ERV3-1: variants seen among roughly 807,000 people sequenced by gnomAD.
The protein encoded by ERV3-1 is endogenous retrovirus group 3 member 1, envelope.
In ERV3-1, 36 loss-of-function variants were observed where a neutral mutation model predicts 24.6. The ratio of observed to expected loss-of-function variants is 1.47; its 90% CI spans 1.12 to 1.94. The LOEUF is 1.94. Among genes scored for constraint, ERV3-1 ranks in the 30% most tolerant of loss-of-function variants. ERV3-1 has a pLI of 0.00. For synonymous variants in ERV3-1, 211 were observed against 122.6 expected, an observed-to-expected ratio of 1.72 and a Z score of -4.76; for missense variants, 578 against 330.9, an observed-to-expected ratio of 1.75 and a Z score of -5.79.
chr7:65,005,238 A>G (rs967168944), intron 1 of ERV3-1: 8 of 152,510 alleles, frequency 5.2e-5, no homozygotes, highest in African/African-American at 1.9e-4. Flanking sequence ...CACAGTGGAT[A>G]TCTTGATTTA....
chr7:64,992,033 T>C lies in ERV3-1; in HGVS notation c.994A>G (p.Ser332Gly), dbSNP rs1478809735. Residue 332 changes from serine to glycine, a missense_variant, in exon 2 of 2, where the codon AGC (serine) becomes GGC (glycine). Physicochemically the swap from Ser to Gly is moderately conservative, Grantham distance 56. Transcript: ENST00000394323. ...SSLEPAPSSQ[S>G]IWFLKTSIIG... Reference sequence around the variant, plus strand: ...ATGGAGGTTTTTAAGAACCAGATGCTCTGACTTGATGGTGCAGGTTCGAGG... The same window carrying C: ...ATGGAGGTTTTTAAGAACCAGATGCCCTGACTTGATGGTGCAGGTTCGAGG... 1 of 766,334 alleles carries C rather than the reference T, an allele frequency of 1.3e-6. No individual in the cohort carries two copies. The highest frequency in any genetic ancestry group is 1.7e-5 in the African/African-American group (1 of 59,130). 47.5% of individuals were successfully genotyped at this position (766,334 alleles called of 1,614,324 possible).
At position 64,991,522 on chromosome 7, in the gene ERV3-1, A is replaced by G. The variant is rs1786265762; in HGVS notation, c.1505T>C (p.Met502Thr). The G allele has an allele frequency of 2.8e-6, 2 of 704,038 alleles. No homozygotes were observed. Among genetic ancestry groups the G allele is most frequent in the Non-Finnish European group, 5.2e-6 (2 of 385,018 alleles). The allele number at this position is 704,038 out of a possible 1,614,324, so 43.6% of individuals were successfully genotyped here. The change falls in exon 2 of 2, where the codon ATG becomes ACG. Residue 502 changes from methionine to threonine, a missense_variant. Transcript: ENST00000394323. ...YGPATWAEDG[M>T]WGYRTPVYML... is the part of the protein sequence containing the mutation. ...GTAAACTGGGGTGCGGTATCCCCAC[A>G]TTCCATCTTCTGCCCAGGTGGCTGG...
At chr7:64,998,673 G>A (rs1473237554) in intron 1 of ERV3-1, among the ~76,000 whole-genome samples, 2 of 152,144 alleles carry the variant, frequency 1.3e-5, no homozygotes, top group Non-Finnish European at 2.9e-5. Context: ...CCTTGCAGGA[G>A]TATTTCAGAC....
In ERV3-1 at chr7:64,992,510, T is replaced by G; in HGVS notation, c.517A>C (p.Thr173Pro). The G allele has an allele frequency of 1.3e-6, 1 of 766,394 alleles. No homozygotes were observed. Among genetic ancestry groups the G allele is most frequent in the Non-Finnish European group, 2.4e-6 (1 of 417,906 alleles). The allele number at this position is 766,394 out of a possible 1,614,324, so 47.5% of individuals were successfully genotyped here. A position where few individuals can be genotyped will look rare whatever the true frequency, so the allele number is the denominator to read the frequency against. Reference protein sequence around the residue: ...TTCWDCTTWSTNQQSLGPIML... With the variant: ...TTCWDCTTWSPNQQSLGPIML... ...ATTGGCCCTAGTGATTGTTGGTTAG[T>G]GGACCACGTTGTGCAGTCCCAGCAA... The change falls in exon 2 of 2, where the codon ACT becomes CCT. Residue 173 changes from threonine to proline, a missense_variant. By Grantham distance (38) the Thr-to-Pro change is conservative. Transcript: ENST00000394323.
At position 64,992,596 on chromosome 7, in the gene ERV3-1, C is replaced by CTA; in HGVS notation, c.429_430dup (p.Ser144IlefsTer20). On this transcript the variant is annotated frameshift_variant, in exon 2 of 2. Coordinates refer to ENST00000394323, the MANE Select transcript of ERV3-1 (RefSeq NM_001007253.4). LOFTEE classifies it high-confidence loss of function. ...TGCATACCTATTTTTATGGCAGCTA[C>CTA]TATAGTACTCCATGGAACTGAAGAT... 1.3e-6 allele frequency: 1 copy of CTA among 766,362 alleles called. No individual in the cohort carries two copies. The highest frequency in any genetic ancestry group is 2.4e-6 in the Non-Finnish European group (1 of 417,904). The allele number at this position is 766,362 out of a possible 1,614,324, so 47.5% of individuals were successfully genotyped here. A position where few individuals can be genotyped will look rare whatever the true frequency, so the allele number is the denominator to read the frequency against.
At chr7:64,996,771 TG>T (rs1254254721) in intron 1 of ERV3-1, among the ~76,000 whole-genome samples, 1 of 152,202 alleles carries the variant, frequency 6.6e-6, no homozygotes, top group Non-Finnish European at 1.5e-5. Context: ...GTATGATCTT[TG>T]GATGATGGCC....
In ERV3-1 at chr7:64,991,208, G is replaced by T; in HGVS notation, c.*4C>A. 1.3e-6 allele frequency: 1 copy of T among 743,480 alleles called. No homozygotes were observed. The highest frequency in any genetic ancestry group is 1.4e-5 in the South Asian group (1 of 70,564). The allele number at this position is 743,480 out of a possible 1,614,324, so 46.1% of individuals were successfully genotyped here. On this transcript the variant is annotated 3_prime_UTR_variant, in exon 2 of 2. Transcript: ENST00000394323. The stretch of plus-strand genomic sequence containing the variant: ...AACCAACCTCTGAAAAGGGAATCTG[G>T]AGACTATCCTTTCCAAGTCTGAACT...
intron 1 of ERV3-1, among the ~76,000 whole-genome samples, chr7:64,995,457 A>G (rs1786387296): frequency 1.3e-5 from 2 of 152,156 alleles, no homozygotes. Flanking sequence ...GGCTTCTTTG[A>G]TTTGTTTAAA....
At chr7:65,006,482 C>G in intron 1 of ERV3-1, 59 bp downstream of exon 1, 1 of 1,561,210 alleles carries the variant, frequency 6.4e-7, no homozygotes, top group South Asian at 1.1e-5. Flanking sequence ...ACAGCCACTT[C>G]CCACCAGTTC....
At position 64,993,201 on chromosome 7, in the gene ERV3-1, A is replaced by T. The variant is rs758230406; in HGVS notation, c.-175T>A. On this transcript the variant is annotated 5_prime_UTR_variant, in exon 2 of 2. Transcript: ENST00000394323. ...AGACTAGTCAGCTTCTGGGGTGACT[A>T]GAGCAGGGCTGTTGTCTCCTCAAGC... The T allele has an allele frequency of 5.1e-6, 3 of 587,232 alleles. No homozygotes were observed. The highest frequency in any genetic ancestry group is 6.0e-5 in the Admixed American group (2 of 33,378). 36.4% of individuals were successfully genotyped at this position (587,232 alleles called of 1,614,324 possible).
intron 1 of ERV3-1, among the ~76,000 whole-genome samples, chr7:65,003,489 A>G (rs1786567320): frequency 6.6e-6 from 1 of 152,202 alleles, no homozygotes; most frequent in Admixed American, 6.5e-5. Flanking sequence ...AAGAAAAAAG[A>G]AAAAGAAAGA....
intron 1 of ERV3-1, among the ~76,000 whole-genome samples, chr7:64,993,631 C>T (rs566041755): frequency 6.6e-6 from 1 of 152,276 alleles, no homozygotes; most frequent in South Asian, 2.1e-4. Flanking sequence ...AAAGTTAATT[C>T]CCCTAGTTCA....
chr7:64,991,627 C>T lies in ERV3-1; in HGVS notation c.1400G>A (p.Arg467Lys). 1 of 704,446 alleles carries T rather than the reference C, an allele frequency of 1.4e-6. No individual in the cohort carries two copies. Among genetic ancestry groups the T allele is most frequent in the South Asian group, 1.5e-5 (1 of 67,672 alleles). 43.6% of individuals were successfully genotyped at this position (704,446 alleles called of 1,614,324 possible). Residue 467 changes from arginine to lysine, a missense_variant, in exon 2 of 2, where the codon AGG (arginine) becomes AAG (lysine). Physicochemically the swap from Arg to Lys is conservative, Grantham distance 26. Transcript: ENST00000394323. ...TATAGTTATGCCTCTTTTGCTTTTC[C>T]TTTTAGTTTCATCATAGATGGGGTA... is the stretch of plus-strand genomic sequence containing the variant. ...LGYPIYDETK[R>K]KSKRGITIGD...
rs927807094 is a variant in ERV3-1, at chr7:64,991,991, T to C, written c.1036A>G (p.Ile346Val). 10 of 766,364 alleles carry C rather than the reference T, an allele frequency of 1.3e-5. No individual in the cohort carries two copies. In the Middle Eastern group the frequency reaches 1.4e-3, roughly 104 times the overall value. 47.5% of individuals were successfully genotyped at this position (766,364 alleles called of 1,614,324 possible). A position where few individuals can be genotyped will look rare whatever the true frequency, so the allele number is the denominator to read the frequency against. ...LKTSIIGKFC[I>V]ARWGKAFTDP... Reference sequence around the variant, plus strand: ...GTAAAGGCCTTTCCCCAGCGAGCAATACAGAATTTTCCAATAATGGAGGTT... The same window carrying C: ...GTAAAGGCCTTTCCCCAGCGAGCAACACAGAATTTTCCAATAATGGAGGTT... The change falls in exon 2 of 2, where the codon ATT (isoleucine) becomes GTT (valine). Residue 346 changes from isoleucine (I) to valine (V), a missense_variant. By Grantham distance (29) the Ile-to-Val change is conservative. Coordinates refer to ENST00000394323, the MANE Select transcript of ERV3-1 (RefSeq NM_001007253.4).
Position 64,991,492 on chromosome 7 carries a change from A to G in ERV3-1, c.1535T>C (p.Leu512Pro). The change falls in exon 2 of 2, where the codon CTT (leucine) becomes CCT (proline). Residue 512 changes from leucine to proline, a missense_variant. Coordinates refer to ENST00000394323, the MANE Select transcript of ERV3-1 (RefSeq NM_001007253.4). ...MWGYRTPVYM[L>P]NRIIRLQAVL... Reference sequence around the variant, plus strand: ...TGCCTGCAATCTTATAATGCGGTTAAGCATGTAAACTGGGGTGCGGTATCC... The same window carrying G: ...TGCCTGCAATCTTATAATGCGGTTAGGCATGTAAACTGGGGTGCGGTATCC... 1.4e-6 allele frequency: 1 copy of G among 704,176 alleles called. No homozygotes were observed. The highest frequency in any genetic ancestry group is 2.6e-6 in the Non-Finnish European group (1 of 385,016). The allele number at this position is 704,176 out of a possible 1,614,324, so 43.6% of individuals were successfully genotyped here.
At chr7:64,994,910 C>G (rs1432016431) in intron 1 of ERV3-1, among the ~76,000 whole-genome samples, 1 of 152,252 alleles carries the variant, frequency 6.6e-6, no homozygotes, top group African/African-American at 2.4e-5. Flanking sequence ...AGACCCCTTC[C>G]AGCACAAAAC....
chr7:65,002,540 C>T (rs1786546936), intron 1 of ERV3-1, among the ~76,000 whole-genome samples: 1 of 152,128 alleles, frequency 6.6e-6, no homozygotes, highest in Non-Finnish European at 1.5e-5. Context: ...GTTGGCCAGG[C>T]TGGTCTCGAA....
At chr7:64,995,009 TG>T (rs1353981461) in intron 1 of ERV3-1, among the ~76,000 whole-genome samples, 2 of 152,244 alleles carry the variant, frequency 1.3e-5, no homozygotes, top group Non-Finnish European at 2.9e-5. Flanking sequence ...CGTCCACTGT[TG>T]CCACAGTCAC....
At chr7:65,006,459 C>T in intron 1 of ERV3-1, 82 bp downstream of exon 1, 1 of 1,541,564 alleles carries the variant, frequency 6.5e-7, no homozygotes, top group East Asian at 2.3e-5. Flanking sequence ...TGCGGGGAGG[C>T]CAGAGTCCCG....
Sources: allele counts gnomAD v4.1 joint callset (sites outside exome capture counted in the v4.1 genomes callset), GRCh38; gene constraint gnomAD v4.1.1; transcripts MANE v1.5; gene names NCBI Gene and HGNC (gene_info 2026-07-23, HGNC 2026-07-21).